Variants in MUSK observed in about 807,000 individuals in gnomAD.
MUSK encodes muscle, skeletal receptor tyrosine-protein kinase.
Under a neutral mutation model 88.7 loss-of-function variants are expected in MUSK, and 55 were observed. That is an observed-to-expected ratio of 0.62 (90% CI 0.50 to 0.78). The LOEUF (loss-of-function observed/expected upper bound fraction) is 0.78, where lower values mean the gene tolerates loss of function less well. Among genes scored for constraint, MUSK ranks in the 30% least tolerant of loss-of-function variants. MUSK has a pLI of 0.00. For missense variants in MUSK, 1,015 were observed against 1,074.3 expected (o/e 0.94, Z 0.77); for synonymous variants, 387 against 391.9 (o/e 0.99, Z 0.15).
rs10659550 is a variant in MUSK at position 110,787,361 on chromosome 9, C to CA, written c.1779-308dup. 0.12 allele frequency among the ~76,000 whole-genome samples: 11,277 copies of CA among 91,224 alleles called. 863 individuals are homozygous for CA. Among genetic ancestry groups the CA allele is most frequent in the East Asian group, 0.18 (536 of 2,960 alleles). 59.8% of individuals were successfully genotyped at this position (91,224 alleles called of 152,430 possible). On this transcript the variant is annotated intron_variant, in intron 13 of 14. Transcript: ENST00000374448. Reference sequence around the variant, plus strand: ...TGGATGACAGAGTGAGACTCTGTCTCAAAAAAAAAAAAAAAAAAAAAGGTT... The same window carrying CA: ...TGGATGACAGAGTGAGACTCTGTCTCAAAAAAAAAAAAAAAAAAAAAAGGTT...
At chr9:110,772,803 A>C (rs757221911) in intron 9 of MUSK, among the ~76,000 whole-genome samples, 4 of 152,114 alleles carry the variant, frequency 2.6e-5, no homozygotes, top group African/African-American at 4.8e-5. Flanking sequence ...ACTGCTGATA[A>C]CTGGTAAGTT....
intron 5 of MUSK, among the ~76,000 whole-genome samples, chr9:110,714,087 T>C (rs946161394): frequency 6.6e-6 from 1 of 152,000 alleles, no homozygotes; most frequent in African/African-American, 2.4e-5. Context: ...TCTCCTCCCA[T>C]CAAAAACAGA....
intron 5 of MUSK, among the ~76,000 whole-genome samples, chr9:110,719,247 G>A (rs536288068): frequency 1.4e-4 from 22 of 151,992 alleles, no homozygotes; most frequent in African/African-American, 3.4e-4. Flanking sequence ...CAATACTAAC[G>A]TGGAATGTAA....
intron 5 of MUSK, among the ~76,000 whole-genome samples, chr9:110,715,058 T>C (rs1166190348): frequency 1.3e-5 from 2 of 149,714 alleles, no homozygotes; most frequent in Non-Finnish European, 2.9e-5. Flanking sequence ...ACATGATCAA[T>C]ATCTAGGATA....
intron 6 of MUSK, among the ~76,000 whole-genome samples, chr9:110,740,422 G>T (rs1049544303): frequency 2.0e-5 from 3 of 152,062 alleles, no homozygotes; most frequent in African/African-American, 7.2e-5. Flanking sequence ...TGCACTTCTG[G>T]TGTCTGTGCC....
chr9:110,697,598 A>G (rs1564227008), intron 5 of MUSK, 132 bp downstream of exon 5: 3 of 943,974 alleles, frequency 3.2e-6, no homozygotes, highest in South Asian at 3.5e-5. Flanking sequence ...ATATTAGGCC[A>G]TAAGTTCAAG....
At chr9:110,718,752 C>CA (rs571735583) in intron 5 of MUSK, among the ~76,000 whole-genome samples, 28 of 151,996 alleles carry the variant, frequency 1.8e-4, no homozygotes, top group African/African-American at 5.3e-4. Context: ...AAATTCATTG[C>CA]AAAAAAATCA....
chr9:110,762,871 G>A (rs934528954), intron 8 of MUSK, among the ~76,000 whole-genome samples: 4 of 152,266 alleles, frequency 2.6e-5, no homozygotes, highest in African/African-American at 9.6e-5. Context: ...ATTTTGGTTA[G>A]ATAGCAAAAA....
intron 7 of MUSK, among the ~76,000 whole-genome samples, chr9:110,759,451 A>G (rs10980559): frequency 0.42 from 64,309 of 151,714 alleles, 14,103 homozygotes; most frequent in Middle Eastern, 0.49. Context: ...AAGCACTTGC[A>G]GCCAAAGCAA....
At chr9:110,788,389 T>C (rs566125189) in intron 14 of MUSK, among the ~76,000 whole-genome samples, 1 of 152,076 alleles carries the variant, frequency 6.6e-6, no homozygotes, top group South Asian at 2.1e-4. Flanking sequence ...CTCAGCACTT[T>C]AGGAGGCCGA....
chr9:110,787,982 T>C, intron 14 of MUSK, 144 bp downstream of exon 14: 1 of 875,240 alleles, frequency 1.1e-6, no homozygotes, highest in Non-Finnish European at 1.9e-6. Context: ...TTCACCTTGG[T>C]CTATCCCAAC....
chr9:110,755,980 A>ATATATATACATATATATATATACGTG (rs1564269085), intron 7 of MUSK, among the ~76,000 whole-genome samples: 2 of 34,654 alleles, frequency 5.8e-5, no homozygotes, highest in African/African-American at 1.8e-4. Flanking sequence ...ATATATATAC[A>ATATATATACATATATATATATACGTG]TATATATATA....
chr9:110,716,749 A>G (rs961965768), intron 5 of MUSK, among the ~76,000 whole-genome samples: 1 of 150,014 alleles, frequency 6.7e-6, no homozygotes, highest in East Asian at 1.9e-4. Flanking sequence ...AGCTTTTCTT[A>G]TATCTTCTCT....
intron 5 of MUSK, among the ~76,000 whole-genome samples, chr9:110,717,559 T>G (rs1352613932): frequency 6.7e-6 from 1 of 150,242 alleles, no homozygotes; most frequent in African/African-American, 2.5e-5. Flanking sequence ...GTGTTCATCA[T>G]TCAATTTTCA....
At chr9:110,688,192 C>T (rs1033944095) in intron 3 of MUSK, among the ~76,000 whole-genome samples, 1 of 152,038 alleles carries the variant, frequency 6.6e-6, no homozygotes, top group African/African-American at 2.4e-5. Flanking sequence ...CTCTTCTAGG[C>T]ACTTCCCCAT....
At chr9:110,680,390 T>TC (rs1433413049) in intron 1 of MUSK, among the ~76,000 whole-genome samples, 2 of 150,978 alleles carry the variant, frequency 1.3e-5, no homozygotes, top group African/African-American at 4.9e-5. Context: ...TTTCTTTTTT[T>TC]TTTTTTCTTC....
At chr9:110,689,268 T>G (rs1281762493) in intron 3 of MUSK, among the ~76,000 whole-genome samples, 223 of 118,998 alleles carry the variant, frequency 1.9e-3, no homozygotes, top group Non-Finnish European at 3.0e-3. Context: ...ATATATTGTA[T>G]AGTTATATTT....
Position 110,732,974 on chromosome 9 carries a change from C to T in MUSK, c.629-1277C>T, listed in dbSNP as rs570279686. Among the ~76,000 whole-genome samples the T allele has an allele frequency of 4.6e-5, 7 of 152,246 alleles. No individual in the cohort carries two copies. In the East Asian group the frequency reaches 1.4e-3, roughly 30 times the overall value. ...TCAACAATGAGACCAACTGGAAACA[C>T]TACTCTGGACCTGTTCTATCATTGT... On this transcript the variant is annotated intron_variant, in intron 5 of 14. Coordinates refer to ENST00000374448, the MANE Select transcript of MUSK (RefSeq NM_005592.4).
intron 3 of MUSK, among the ~76,000 whole-genome samples, chr9:110,692,065 A>C (rs2076364000): frequency 6.6e-6 from 1 of 152,110 alleles, no homozygotes; most frequent in Non-Finnish European, 1.5e-5. Flanking sequence ...AATTTCACAA[A>C]TTGACAAGAA....
Sources: gnomAD v4.1 joint callset for allele counts (sites outside exome capture counted in the v4.1 genomes callset) on GRCh38, gnomAD v4.1.1 for gene constraint, MANE v1.5 for transcripts, NCBI Gene and HGNC (gene_info 2026-07-23, HGNC 2026-07-21) for gene names.